Variants in LSM6 observed in about 807,000 individuals in gnomAD.
The protein encoded by LSM6 is U6 snRNA-associated Sm-like protein LSm6.
Under a neutral mutation model 13.5 loss-of-function variants are expected in LSM6, and 2 were observed. That is an observed-to-expected ratio of 0.15 (90% confidence interval 0.06 to 0.47). The LOEUF is 0.47. Among genes scored for constraint, LSM6 ranks in the 20% least tolerant of loss-of-function variants. The pLI, the probability that LSM6 is intolerant of heterozygous loss-of-function variation, is 0.97. For synonymous variants in LSM6, 43 were observed against 34.9 expected (o/e 1.23, Z -0.82); for missense variants, 58 against 96.4 (o/e 0.60, Z 1.67).
intron 2 of LSM6, among the ~76,000 whole-genome samples, chr4:146,185,761 G>A (rs903050744): frequency 4.0e-5 from 6 of 149,790 alleles, no homozygotes; most frequent in South Asian, 2.1e-4. Flanking sequence ...TTTTGAGACC[G>A]AGTCTCACTC....
intron 2 of LSM6, among the ~76,000 whole-genome samples, chr4:146,185,155 G>T (rs1730317894): frequency 6.6e-6 from 1 of 152,078 alleles, no homozygotes. Context: ...CATCTCTTTA[G>T]AATCAATTCC....
intron 1 of LSM6, chr4:146,180,885 C>A: frequency 6.6e-6 from 1 of 152,074 alleles, no homozygotes. Flanking sequence ...GTAAATAAGG[C>A]GGTTTATAGA....
At chr4:146,182,762 G>A (rs1312695582) in intron 1 of LSM6, 150 bp from the exon 2 acceptor site, 1 of 560,394 alleles carries the variant, frequency 1.8e-6, no homozygotes, top group Non-Finnish European at 3.3e-6. Flanking sequence ...CATGTTAGCT[G>A]TCATGTAGTA....
At chr4:146,177,732 G>A (rs1344664445) in intron 1 of LSM6, among the ~76,000 whole-genome samples, 2 of 152,046 alleles carry the variant, frequency 1.3e-5, no homozygotes, top group East Asian at 1.9e-4. Context: ...GTGGAGGGCC[G>A]TCCTGTTAGT....
intron 2 of LSM6, among the ~76,000 whole-genome samples, chr4:146,184,286 T>C (rs6839123): frequency 6.6e-6 from 1 of 151,906 alleles, no homozygotes; most frequent in African/African-American, 2.4e-5. Context: ...ATAGCACAGG[T>C]TTTTGTGGCC....
rs1451047069 is a variant in LSM6, at chr4:146,189,865, CGTT to C, written c.*212_*214del. The stretch of plus-strand genomic sequence containing the variant: ...AAGTTTCAGTCATTTTCTTTTACCT[CGTT>C]GTCAGTGTACAGAATGCTAAAATAA... On this transcript the variant is annotated 3_prime_UTR_variant, in exon 4 of 4. Transcript: ENST00000296581. 1.4e-5 allele frequency: 7 copies of C among 509,086 alleles called. No homozygotes were observed. The highest frequency in any genetic ancestry group is 1.7e-5 in the Non-Finnish European group (5 of 289,044). The allele number at this position is 509,086 out of a possible 1,614,324, so 31.5% of individuals were successfully genotyped here.
At chr4:146,184,837 AG>A (rs1730310428) in intron 2 of LSM6, among the ~76,000 whole-genome samples, 1 of 152,366 alleles carries the variant, frequency 6.6e-6, no homozygotes, top group Non-Finnish European at 1.5e-5. Context: ...TATAGAAGAA[AG>A]CCAAGGATCC....
In LSM6 at chr4:146,190,077, A is replaced by AC. The variant is rs1460020463; in HGVS notation, c.*422dup. 6.3e-6 allele frequency: 1 copy of AC among 158,082 alleles called. No homozygotes were observed. Among genetic ancestry groups the AC allele is most frequent in the Non-Finnish European group, 1.4e-5 (1 of 72,506 alleles). 9.8% of individuals were successfully genotyped at this position (158,082 alleles called of 1,614,324 possible). On this transcript the variant is annotated 3_prime_UTR_variant, in exon 4 of 4. Coordinates refer to ENST00000296581, the MANE Select transcript of LSM6 (RefSeq NM_007080.3). Reference sequence around the variant, plus strand: ...CTTTATTGCATCCTTTTCTGTTCATACAGAATCCTTGCGTGAATATGTTCT... The same window carrying AC: ...CTTTATTGCATCCTTTTCTGTTCATACCAGAATCCTTGCGTGAATATGTTCT...
chr4:146,187,875 A>C (rs566751790), intron 3 of LSM6, among the ~76,000 whole-genome samples: 1 of 152,378 alleles, frequency 6.6e-6, no homozygotes, highest in South Asian at 2.1e-4. Flanking sequence ...AGTTTTTAAC[A>C]ACTAATAAAT....
At chr4:146,179,312 G>GT (rs1730180509) in intron 1 of LSM6, among the ~76,000 whole-genome samples, 1 of 152,174 alleles carries the variant, frequency 6.6e-6, no homozygotes, top group African/African-American at 2.4e-5. Flanking sequence ...TGTCAGAACT[G>GT]TTTCTTCTGC....
At chr4:146,187,149 G>A (rs932287584) in intron 2 of LSM6, 125 bp from the exon 3 acceptor site, 17 of 592,526 alleles carry the variant, frequency 2.9e-5, no homozygotes, top group Admixed American at 8.9e-5. Context: ...CATTTATGGT[G>A]TGAATTTTTA....
intron 1 of LSM6, among the ~76,000 whole-genome samples, chr4:146,177,422 A>G (rs1730135557): frequency 6.6e-6 from 1 of 152,212 alleles, no homozygotes; most frequent in Non-Finnish European, 1.5e-5. Flanking sequence ...TTCATGGCCA[A>G]GACTAGAAAT....
chr4:146,176,437 G>C (rs1730110331), intron 1 of LSM6: 1 of 152,272 alleles, frequency 6.6e-6, no homozygotes, highest in African/African-American at 2.4e-5. Flanking sequence ...GCATTTTTAA[G>C]GTGTGTAGGA....
intron 1 of LSM6, among the ~76,000 whole-genome samples, chr4:146,177,359 G>T (rs1452911332): frequency 6.6e-6 from 1 of 152,186 alleles, no homozygotes; most frequent in Non-Finnish European, 1.5e-5. Flanking sequence ...TGTACTAACA[G>T]ATTTTAATCA....
At chr4:146,185,135 G>A (rs1365107042) in intron 2 of LSM6, among the ~76,000 whole-genome samples, 1 of 152,108 alleles carries the variant, frequency 6.6e-6, no homozygotes, top group Non-Finnish European at 1.5e-5. Flanking sequence ...ATATTGTGAA[G>A]TTGACCAAAC....
chr4:146,190,303 T>C lies in LSM6; in HGVS notation c.*647T>C, dbSNP rs949488335. On this transcript the variant is annotated 3_prime_UTR_variant, in exon 4 of 4. Transcript: ENST00000296581. ...TTTCAGTGAGGAGAAAGCCCTCCTG[T>C]CAGTGGTCCCCCTGCATCTCCTTAT... The C allele has an allele frequency of 1.3e-5, 2 of 152,390 alleles. No homozygotes were observed. Among genetic ancestry groups the C allele is most frequent in the Non-Finnish European group, 2.9e-5 (2 of 68,192 alleles). The allele number at this position is 152,390 out of a possible 1,614,324, so 9.4% of individuals were successfully genotyped here. A position where few individuals can be genotyped will look rare whatever the true frequency, so the allele number is the denominator to read the frequency against.
rs926666499 is a variant in LSM6, at chr4:146,190,966, C to G, written c.*1310C>G. 5 of 151,992 alleles carry G rather than the reference C, an allele frequency of 3.3e-5. No homozygotes were observed. The highest frequency in any genetic ancestry group is 1.5e-5 in the Non-Finnish European group (1 of 68,008). 9.4% of individuals were successfully genotyped at this position (151,992 alleles called of 1,614,324 possible). Reference sequence around the variant, plus strand: ...TGGAGAGGTGTATGTAGTGTTTTGTCTTGGTTTATTTTAAAGATCAGAGAG... The same window carrying G: ...TGGAGAGGTGTATGTAGTGTTTTGTGTTGGTTTATTTTAAAGATCAGAGAG... On this transcript the variant is annotated 3_prime_UTR_variant, in exon 4 of 4. Transcript: ENST00000296581.
intron 2 of LSM6, among the ~76,000 whole-genome samples, chr4:146,185,469 C>CAAAACCCCAA (rs1008184670): frequency 1.1e-4 from 11 of 96,970 alleles, no homozygotes; most frequent in Non-Finnish European, 1.9e-4. Flanking sequence ...TTGTGGTTTA[C>CAAAACCCCAA]AAAACCCCAA....
At chr4:146,188,355 G>A (rs1365881036) in intron 3 of LSM6, among the ~76,000 whole-genome samples, 3 of 151,926 alleles carry the variant, frequency 2.0e-5, no homozygotes, top group Non-Finnish European at 2.9e-5. Flanking sequence ...GGTTCTGTGC[G>A]TGTTGATAGG....
Sources: allele counts gnomAD v4.1 joint callset (sites outside exome capture counted in the v4.1 genomes callset), GRCh38; gene constraint gnomAD v4.1.1; transcripts MANE v1.5; gene names NCBI Gene and HGNC (gene_info 2026-07-23, HGNC 2026-07-21).